The following GLI2 variants were observed in gnomAD, a reference collection of about 807,000 sequenced individuals.
GLI2 encodes the protein GLI family zinc finger 2, also known as transcription activator GLI2.
Under a neutral mutation model 78.9 loss-of-function variants are expected in GLI2, and 22 were observed. The ratio of observed to expected loss-of-function variants is 0.28; its 90% CI spans 0.20 to 0.40. The LOEUF is 0.40. Ranked by LOEUF, GLI2 falls within the 10% of genes least tolerant of loss-of-function variation. GLI2 has a pLI of 1.00. For missense variants in GLI2, 2,097 were observed against 2,213.2 expected, an observed-to-expected ratio of 0.95 and a Z score of 1.05; for synonymous variants, 974 against 963.7, an observed-to-expected ratio of 1.01 and a Z score of -0.20.
chr2:120,804,307 A>T (rs1351083198), intron 2 of GLI2, among the ~76,000 whole-genome samples: 1 of 152,004 alleles, frequency 6.6e-6, no homozygotes, highest in Non-Finnish European at 1.5e-5. Flanking sequence ...TGCCTCCAGG[A>T]TGTCCTTGTG....
In GLI2 at chr2:120,988,683, C is replaced by A. The variant is rs1327479343; in HGVS notation, c.2718C>A (p.Pro906=). 7.7e-7 allele frequency: 1 copy of A among 1,303,562 alleles called. No individual in the cohort carries two copies. 80.7% of individuals were successfully genotyped at this position (1,303,562 alleles called of 1,614,324 possible). ...CCAGGCTGGCGCTGCTGGACGCGCCCGAGCGCACGCTGCCCGCCGGCTGCC... is the reference window on the plus strand; with the variant it reads ...CCAGGCTGGCGCTGCTGGACGCGCCAGAGCGCACGCTGCCCGCCGGCTGCC... ...LRTRLALLDA[P]ERTLPAGCPR... is the part of the protein sequence containing the mutation. Residue 906 remains proline (P), a synonymous_variant, in exon 14 of 14, where the codon CCC becomes CCA. Coordinates refer to ENST00000361492, the MANE Select transcript of GLI2 (RefSeq NM_001374353.1).
chr2:120,801,270 C>G (rs1216596702), intron 2 of GLI2, among the ~76,000 whole-genome samples: 1 of 152,186 alleles, frequency 6.6e-6, no homozygotes, highest in Non-Finnish European at 1.5e-5. Flanking sequence ...TTCTGAGTAG[C>G]TGGGATTACA....
chr2:120,909,803 T>G (rs1678726000), intron 2 of GLI2, among the ~76,000 whole-genome samples: 1 of 152,178 alleles, frequency 6.6e-6, no homozygotes, highest in Non-Finnish European at 1.5e-5. Context: ...AGGCGGAGCT[T>G]GCAGTGAGCT....
At chr2:120,797,857 A>G (rs1169943417) in intron 2 of GLI2, among the ~76,000 whole-genome samples, 2 of 152,224 alleles carry the variant, frequency 1.3e-5, no homozygotes, top group Non-Finnish European at 2.9e-5. Flanking sequence ...ACTGTTTTGG[A>G]AAGTAATTGT....
At chr2:120,899,882 C>T (rs1678169450) in intron 2 of GLI2, among the ~76,000 whole-genome samples, 1 of 152,178 alleles carries the variant, frequency 6.6e-6, no homozygotes, top group South Asian at 2.1e-4. Flanking sequence ...GTTATGTGGA[C>T]AGGGGCCATT....
intron 2 of GLI2, among the ~76,000 whole-genome samples, chr2:120,799,909 G>T (rs775499912): frequency 2.6e-5 from 4 of 152,330 alleles, no homozygotes; most frequent in Admixed American, 1.3e-4. Flanking sequence ...GGTGGTTGGC[G>T]TGGGTCCCCC....
At chr2:120,931,876 A>G (rs115292484) in intron 3 of GLI2, among the ~76,000 whole-genome samples, 2,220 of 152,274 alleles carry the variant, frequency 0.015, 50 homozygotes, top group African/African-American at 0.051. Flanking sequence ...GGGCAGCAGC[A>G]TGGTGCTCCC....
At chr2:120,929,551 C>A (rs369574574) in intron 3 of GLI2, among the ~76,000 whole-genome samples, 1 of 152,158 alleles carries the variant, frequency 6.6e-6, no homozygotes, top group Non-Finnish European at 1.5e-5. Context: ...ATTTGGTTGT[C>A]TATTGTTATG....
At chr2:120,903,241 C>T (rs192151155) in intron 2 of GLI2, among the ~76,000 whole-genome samples, 4 of 152,080 alleles carry the variant, frequency 2.6e-5, no homozygotes, top group East Asian at 1.9e-4. Flanking sequence ...AAAAATTAGC[C>T]GGGCACAGTG....
intron 2 of GLI2, among the ~76,000 whole-genome samples, chr2:120,880,742 C>CTAAA (rs1157626037): frequency 6.6e-6 from 1 of 152,148 alleles, no homozygotes; most frequent in African/African-American, 2.4e-5. Context: ...TACCTCCTGG[C>CTAAA]TAAAGTATGT....
chr2:120,939,058 G>A (rs1374880807), intron 3 of GLI2, among the ~76,000 whole-genome samples: 1 of 152,196 alleles, frequency 6.6e-6, no homozygotes, highest in Non-Finnish European at 1.5e-5. Context: ...GAGGCAGGGG[G>A]ATCACCTGAG....
chr2:120,826,298 G>A (rs940310374), intron 2 of GLI2, among the ~76,000 whole-genome samples: 1 of 152,232 alleles, frequency 6.6e-6, no homozygotes, highest in African/African-American at 2.4e-5. Context: ...CAGGTTGGGC[G>A]TGAGGGTCTG....
chr2:120,852,149 A>C (rs2104611705), intron 2 of GLI2, among the ~76,000 whole-genome samples: 1 of 152,322 alleles, frequency 6.6e-6, no homozygotes, highest in East Asian at 1.9e-4. Context: ...GTAGGATTAG[A>C]ACCCAGATGG....
intron 1 of GLI2, among the ~76,000 whole-genome samples, chr2:120,764,660 A>C (rs1683315182): frequency 6.6e-6 from 1 of 152,202 alleles, no homozygotes; most frequent in African/African-American, 2.4e-5. Flanking sequence ...GCAGGTAGAA[A>C]GGGCTGGGGT....
intron 1 of GLI2, among the ~76,000 whole-genome samples, chr2:120,740,216 T>C (rs1682488039): frequency 6.6e-6 from 1 of 152,246 alleles, no homozygotes; most frequent in South Asian, 2.1e-4. Flanking sequence ...GATAACGGTA[T>C]ACTTTCTGTG....
intron 4 of GLI2, among the ~76,000 whole-genome samples, chr2:120,953,196 G>A (rs1437932351): frequency 6.6e-6 from 1 of 152,202 alleles, no homozygotes; most frequent in Non-Finnish European, 1.5e-5. Context: ...TCCAATAACA[G>A]GTGTCCTTAC....
chr2:120,862,333 G>A (rs1051728077), intron 2 of GLI2, among the ~76,000 whole-genome samples: 3 of 152,146 alleles, frequency 2.0e-5, no homozygotes, highest in African/African-American at 7.2e-5. Context: ...GATGCAGTTC[G>A]CCCACCCCTC....
chr2:120,803,455 C>T lies in GLI2; in HGVS notation c.148+5987C>T, dbSNP rs149965285. 2.2e-3 allele frequency among the ~76,000 whole-genome samples: 342 copies of T among 152,348 alleles called. 1 individual carries two copies. The highest frequency in any genetic ancestry group is 7.7e-3 in the African/African-American group (321 of 41,576). ...AGTTTTCCTTTTCTAGATCTGCATA[C>T]TCTGCCTGACTTAGAAAGTTTCCCT... On this transcript the variant is annotated intron_variant, in intron 2 of 13. Transcript: ENST00000361492.
At chr2:120,906,582 A>G (rs1439340393) in intron 2 of GLI2, among the ~76,000 whole-genome samples, 2 of 151,988 alleles carry the variant, frequency 1.3e-5, no homozygotes, top group Non-Finnish European at 2.9e-5. Flanking sequence ...TCAAGGTCGC[A>G]GCCACCACCC....
Sources: allele counts gnomAD v4.1 joint callset (sites outside exome capture counted in the v4.1 genomes callset), GRCh38; gene constraint gnomAD v4.1.1; transcripts MANE v1.5; gene names NCBI Gene and HGNC (gene_info 2026-07-23, HGNC 2026-07-21).